The following CCNYL1 variants were observed in gnomAD, a reference collection of about 807,000 sequenced individuals.
The protein encoded by CCNYL1 is cyclin Y like 1.
Under a neutral mutation model 44.2 loss-of-function variants are expected in CCNYL1, and 16 were observed. That is an observed-to-expected ratio of 0.36 (90% confidence interval 0.25 to 0.55). The LOEUF (loss-of-function observed/expected upper bound fraction) is 0.55. Among genes scored for constraint, CCNYL1 ranks in the 20% least tolerant of loss-of-function variants. CCNYL1 has a pLI of 0.85. For missense variants in CCNYL1, 348 were observed against 451.8 expected, an observed-to-expected ratio of 0.77 and a Z score of 2.08; for synonymous variants, 159 against 163.2, an observed-to-expected ratio of 0.97 and a Z score of 0.20.
At chr2:207,729,767 G>A (rs1396622676) in intron 3 of CCNYL1, among the ~76,000 whole-genome samples, 1 of 151,654 alleles carries the variant, frequency 6.6e-6, no homozygotes, top group South Asian at 2.1e-4. Context: ...GTGCAGTGGC[G>A]TGATCTCAGC....
At chr2:207,746,903 G>T in intron 7 of CCNYL1, 144 bp from the exon 8 acceptor site, 1 of 582,350 alleles carries the variant, frequency 1.7e-6, no homozygotes. Context: ...TTGAACCTGG[G>T]AGGCGGAGGT....
At chr2:207,712,856 C>T (rs925064500) in intron 1 of CCNYL1, among the ~76,000 whole-genome samples, 5 of 152,190 alleles carry the variant, frequency 3.3e-5, no homozygotes, top group Non-Finnish European at 5.9e-5. Flanking sequence ...TTGTCGCCCG[C>T]CCAGGCTGGA....
chr2:207,748,408 C>A (rs2091870256), intron 8 of CCNYL1, among the ~76,000 whole-genome samples: 1 of 152,140 alleles, frequency 6.6e-6, no homozygotes, highest in Non-Finnish European at 1.5e-5. Context: ...ACCAATATGA[C>A]CCTGAAACAG....
chr2:207,714,409 A>AGCTG, intron 1 of CCNYL1: 1 of 392,006 alleles, frequency 2.6e-6, no homozygotes, highest in Non-Finnish European at 4.8e-6. Flanking sequence ...CAGTCCTCCC[A>AGCTG]CCTCAGCCTC....
chr2:207,719,427 A>C (rs1244520272), intron 1 of CCNYL1, among the ~76,000 whole-genome samples: 1 of 151,202 alleles, frequency 6.6e-6, no homozygotes, highest in Non-Finnish European at 1.5e-5. Context: ...CAGCCTCCTG[A>C]GTAGCTGGGA....
rs535040410 is a variant in CCNYL1 at position 207,713,422 on chromosome 2, T to G, written c.220+1306T>G. Among the ~76,000 whole-genome samples, 326 of 152,272 alleles carry G rather than the reference T, an allele frequency of 2.1e-3. 1 individual carries two copies. Among genetic ancestry groups the G allele is most frequent in the Middle Eastern group, 6.8e-3 (2 of 294 alleles). ...GAATCCTGGTCAAAGATGAGAATGT[T>G]GGGGTTCGTCAGACTCTAAACCGTT... On this transcript the variant is annotated intron_variant, in intron 1 of 9. Transcript: ENST00000295414.
At chr2:207,750,754 T>C in intron 8 of CCNYL1, 1 of 485,550 alleles carries the variant, frequency 2.1e-6, no homozygotes. Flanking sequence ...TCAACCTTCA[T>C]CCCAGTTCCA....
chr2:207,724,735 T>C, intron 1 of CCNYL1, 65 bp from the exon 2 acceptor site: 1 of 1,125,464 alleles, frequency 8.9e-7, no homozygotes, highest in Non-Finnish European at 1.3e-6. Flanking sequence ...TGGATGTGTA[T>C]CTATTTCAGA....
chr2:207,737,810 T>C (rs1471920213), intron 5 of CCNYL1, among the ~76,000 whole-genome samples: 1 of 152,216 alleles, frequency 6.6e-6, no homozygotes, highest in Non-Finnish European at 1.5e-5. Context: ...ATTTAACAGC[T>C]GTCCCAGGTT....
rs779602983 is a variant in CCNYL1 at position 207,724,789 on chromosome 2, C to T, written c.221-11C>T. 6.2e-7 allele frequency: 1 copy of T among 1,606,058 alleles called. No homozygotes were observed. Among genetic ancestry groups the T allele is most frequent in the Non-Finnish European group, 8.5e-7 (1 of 1,173,434 alleles). Reference sequence around the variant, plus strand: ...CCTAAAGTGTCACGTCTTTTTCCTCCTCTTCTATAGATTTAGCTTTGGAGT... The same window carrying T: ...CCTAAAGTGTCACGTCTTTTTCCTCTTCTTCTATAGATTTAGCTTTGGAGT... On this transcript the variant is annotated splice_polypyrimidine_tract_variant and intron_variant, in intron 1 of 9. Transcript: ENST00000295414.
chr2:207,715,679 CTTT>C (rs368268330), intron 1 of CCNYL1, among the ~76,000 whole-genome samples: 4 of 139,360 alleles, frequency 2.9e-5, no homozygotes, highest in Admixed American at 7.2e-5. Context: ...CGCGCCTGGC[CTTT>C]TTTTTTTTTT....
intron 2 of CCNYL1, among the ~76,000 whole-genome samples, chr2:207,725,429 G>C (rs1254202371): frequency 1.3e-5 from 2 of 152,122 alleles, no homozygotes; most frequent in Admixed American, 6.5e-5. Context: ...CAGTATCATG[G>C]ATTTATGCAT....
intron 3 of CCNYL1, among the ~76,000 whole-genome samples, chr2:207,729,105 T>C (rs889268651): frequency 5.9e-5 from 9 of 152,176 alleles, no homozygotes; most frequent in East Asian, 1.9e-4. Flanking sequence ...CCTAGACCTT[T>C]TCTTTTTATT....
intron 7 of CCNYL1, among the ~76,000 whole-genome samples, chr2:207,745,602 A>G (rs1385205590): frequency 1.3e-5 from 2 of 152,234 alleles, no homozygotes; most frequent in African/African-American, 4.8e-5. Context: ...ACACTGCCAG[A>G]TCTGATCTGC....
intron 6 of CCNYL1, 149 bp from the exon 7 acceptor site, chr2:207,742,074 C>A (rs1287221217): frequency 1.3e-5 from 8 of 621,558 alleles, no homozygotes; most frequent in Middle Eastern, 4.8e-4. Context: ...TCACTTAAAC[C>A]CGGGGGGTAG....
At chr2:207,746,005 C>T (rs1408554559) in intron 7 of CCNYL1, among the ~76,000 whole-genome samples, 1 of 152,184 alleles carries the variant, frequency 6.6e-6, no homozygotes, top group Non-Finnish European at 1.5e-5. Context: ...CAGCAAATTA[C>T]AGCTTACCTC....
At chr2:207,752,419 A>T (rs1394356157) in intron 9 of CCNYL1, among the ~76,000 whole-genome samples, 1 of 151,922 alleles carries the variant, frequency 6.6e-6, no homozygotes, top group Non-Finnish European at 1.5e-5. Flanking sequence ...GCAGACGCCC[A>T]GTTACTCAGG....
chr2:207,731,386 C>G (rs1220919119), intron 3 of CCNYL1, among the ~76,000 whole-genome samples: 1 of 152,060 alleles, frequency 6.6e-6, no homozygotes, highest in Admixed American at 6.6e-5. Context: ...TACTCAGTAC[C>G]CCTTCCCTTT....
At chr2:207,744,881 T>C (rs1218916281) in intron 7 of CCNYL1, among the ~76,000 whole-genome samples, 1 of 152,130 alleles carries the variant, frequency 6.6e-6, no homozygotes, top group African/African-American at 2.4e-5. Context: ...AGCCTACCAA[T>C]GAAGGTGGAC....
Sources: gnomAD v4.1 joint callset for allele counts (sites outside exome capture counted in the v4.1 genomes callset) on GRCh38, gnomAD v4.1.1 for gene constraint, MANE v1.5 for transcripts, NCBI Gene and HGNC (gene_info 2026-07-23, HGNC 2026-07-21) for gene names.